Variants in TAFA2 observed in about 807,000 individuals in gnomAD.
TAFA2 encodes TAFA chemokine like family member 2.
Under a neutral mutation model 18.8 loss-of-function variants are expected in TAFA2, and 7 were observed. The ratio of observed to expected loss-of-function variants is 0.37; its 90% CI spans 0.21 to 0.70. TAFA2 has a LOEUF of 0.70. Among genes scored for constraint, TAFA2 ranks in the 30% least tolerant of loss-of-function variants. The pLI, the probability that TAFA2 is intolerant of heterozygous loss-of-function variation, is 0.53. For synonymous variants in TAFA2, 60 were observed against 54.2 expected (o/e 1.11, Z -0.47); for missense variants, 122 against 158.1 (o/e 0.77, Z 1.23).
intron 1 of TAFA2, among the ~76,000 whole-genome samples, chr12:61,940,909 A>G (rs1437226630): frequency 1.3e-5 from 2 of 152,228 alleles, no homozygotes; most frequent in Non-Finnish European, 2.9e-5. Context: ...AAAATAATTT[A>G]ATACTAGATT....
intron 1 of TAFA2, among the ~76,000 whole-genome samples, chr12:62,229,578 A>T (rs917301067): frequency 6.6e-6 from 1 of 151,690 alleles, no homozygotes; most frequent in East Asian, 1.9e-4. Context: ...AATCATTATC[A>T]ATTTTCTTTT....
intron 1 of TAFA2, among the ~76,000 whole-genome samples, chr12:61,957,327 G>A (rs534247040): frequency 7.9e-5 from 12 of 152,212 alleles, no homozygotes; most frequent in Admixed American, 6.6e-4. Flanking sequence ...CTTTATTCAT[G>A]ACTATTGCAA....
chr12:62,080,843 G>A (rs1868309149), intron 1 of TAFA2, among the ~76,000 whole-genome samples: 1 of 151,012 alleles, frequency 6.6e-6, no homozygotes, highest in Admixed American at 6.6e-5. Flanking sequence ...TCTACAACAG[G>A]TTCATTAAAA....
chr12:61,908,276 A>G (rs1876449777), intron 1 of TAFA2, among the ~76,000 whole-genome samples: 1 of 152,120 alleles, frequency 6.6e-6, no homozygotes, highest in Non-Finnish European at 1.5e-5. Context: ...GAGGTAATCA[A>G]ATGATGGGGG....
chr12:61,715,379 C>T (rs1048824579), intron 4 of TAFA2, among the ~76,000 whole-genome samples: 6 of 151,874 alleles, frequency 4.0e-5, no homozygotes, highest in Non-Finnish European at 2.9e-5. Context: ...GATGGAGTCT[C>T]GTTCTGTCAC....
chr12:62,189,387 A>C (rs942572764), intron 1 of TAFA2, among the ~76,000 whole-genome samples: 14 of 152,208 alleles, frequency 9.2e-5, no homozygotes, highest in African/African-American at 3.4e-4. Context: ...GTGGTAACTG[A>C]TGGCCTTTAA....
chr12:62,165,937 T>TCACACA (rs1342975197), intron 1 of TAFA2, among the ~76,000 whole-genome samples: 5 of 115,354 alleles, frequency 4.3e-5, no homozygotes, highest in South Asian at 2.9e-4. Context: ...TCTCTCTCTC[T>TCACACA]CTCACACACA....
At chr12:61,960,648 A>G (rs1265123140) in intron 1 of TAFA2, among the ~76,000 whole-genome samples, 1 of 151,850 alleles carries the variant, frequency 6.6e-6, no homozygotes, top group Non-Finnish European at 1.5e-5. Flanking sequence ...ATCATCATAC[A>G]TTGCATCCTC....
intron 1 of TAFA2, among the ~76,000 whole-genome samples, chr12:62,022,970 T>C (rs775768337): frequency 2.0e-5 from 3 of 152,204 alleles, no homozygotes; most frequent in Admixed American, 2.0e-4. Context: ...GATTATACTG[T>C]TGGATACATC....
intron 1 of TAFA2, among the ~76,000 whole-genome samples, chr12:62,066,660 G>A (rs138882126): frequency 5.9e-5 from 9 of 152,088 alleles, no homozygotes; most frequent in African/African-American, 1.9e-4. Flanking sequence ...TTCTTTTTAT[G>A]GCTGAATAGT....
chr12:62,168,069 G>C lies in TAFA2; in HGVS notation c.-2+23190C>G, dbSNP rs1018017177. Reference sequence around the variant, plus strand: ...TATTTAAAAACACATAAACATTTGTGTGTGTCTGTGTGTGTGCATGTGTCT... The same window carrying C: ...TATTTAAAAACACATAAACATTTGTCTGTGTCTGTGTGTGTGCATGTGTCT... On this transcript the variant is annotated intron_variant, in intron 1 of 4. Coordinates refer to ENST00000416284, the MANE Select transcript of TAFA2 (RefSeq NM_178539.5). Among the ~76,000 whole-genome samples the C allele has an allele frequency of 2.6e-5, 4 of 152,288 alleles. No homozygotes were observed. In the East Asian group the frequency reaches 7.7e-4, roughly 29 times the overall value.
In TAFA2 at chr12:62,086,567, G is replaced by C. The variant is rs1291543687; in HGVS notation, c.-2+104692C>G. On this transcript the variant is annotated intron_variant, in intron 1 of 4. Transcript: ENST00000416284. ...AGATGCTTAACATCACTAATCATTA[G>C]AGAAATGCAAATCAAAACCACAATA... Among the ~76,000 whole-genome samples the C allele has an allele frequency of 2.6e-5, 4 of 152,170 alleles. No individual in the cohort carries two copies. The South Asian group carries it at 8.3e-4, about 32-fold the overall frequency.
rs755869471 is a variant in TAFA2, at chr12:62,171,970, CT to C, written c.-2+19288del. ...ACTGGCCAGAAGCCCACATATATCACTTTTTAAAATTCATGGAGGATTAGGA... is the reference window on the plus strand; with the variant it reads ...ACTGGCCAGAAGCCCACATATATCACTTTTAAAATTCATGGAGGATTAGGA... On this transcript the variant is annotated intron_variant, in intron 1 of 4. Transcript: ENST00000416284. Among the ~76,000 whole-genome samples the C allele has an allele frequency of 2.8e-4, 42 of 152,202 alleles. No homozygotes were observed. The Middle Eastern group carries it at 0.014, about 49-fold the overall frequency.
rs1012451001 is a variant in TAFA2 at position 61,812,127 on chromosome 12, G to T, written c.106+55193C>A. On this transcript the variant is annotated intron_variant, in intron 2 of 4. Coordinates refer to ENST00000416284, the MANE Select transcript of TAFA2 (RefSeq NM_178539.5). Reference sequence around the variant, plus strand: ...CAGCATGATGCAACCTGGCCTGGGAGTTTCCAGGAGACAAGACCACCTCAG... The same window carrying T: ...CAGCATGATGCAACCTGGCCTGGGATTTTCCAGGAGACAAGACCACCTCAG... Among the ~76,000 whole-genome samples, 11 of 151,362 alleles carry T rather than the reference G, an allele frequency of 7.3e-5. 3 individuals are homozygous for T. Among genetic ancestry groups the T allele is most frequent in the African/African-American group, 2.7e-4 (11 of 40,666 alleles).
intron 1 of TAFA2, chr12:62,234,844 C>T (rs1314229553): frequency 9.6e-7 from 1 of 1,038,460 alleles, no homozygotes; most frequent in East Asian, 2.6e-5. Flanking sequence ...GTCCTGAGAT[C>T]CTAAAACCAG....
chr12:62,085,681 G>T (rs1461308076), intron 1 of TAFA2, among the ~76,000 whole-genome samples: 1 of 152,020 alleles, frequency 6.6e-6, no homozygotes, highest in African/African-American at 2.4e-5. Flanking sequence ...TGGAATTATA[G>T]AATTCAAAAA....
At chr12:62,135,836 G>A (rs556568189) in intron 1 of TAFA2, 1 of 152,086 alleles carries the variant, frequency 6.6e-6, no homozygotes, top group Non-Finnish European at 1.5e-5. Context: ...GTTAAAAAGT[G>A]AGGATTTTCT....
At chr12:61,867,845 T>C (rs1259250590) in intron 1 of TAFA2, among the ~76,000 whole-genome samples, 2 of 152,186 alleles carry the variant, frequency 1.3e-5, no homozygotes, top group African/African-American at 2.4e-5. Flanking sequence ...ACAGTTTATA[T>C]AGAATTGCTT....
At chr12:62,163,463 A>AT (rs926654964) in intron 1 of TAFA2, among the ~76,000 whole-genome samples, 10 of 152,210 alleles carry the variant, frequency 6.6e-5, no homozygotes, top group Admixed American at 6.5e-4. Context: ...TAAAAGAGCC[A>AT]TTTTTTGTTC....
Sources: gnomAD v4.1 joint callset for allele counts (sites outside exome capture counted in the v4.1 genomes callset) on GRCh38, gnomAD v4.1.1 for gene constraint, MANE v1.5 for transcripts, NCBI Gene and HGNC (gene_info 2026-07-23, HGNC 2026-07-21) for gene names.